The following GEMIN5 variants were observed in gnomAD, a reference collection of about 807,000 sequenced individuals.
The protein encoded by GEMIN5 is gem nuclear organelle associated protein 5.
Under a neutral mutation model 176.9 loss-of-function variants are expected in GEMIN5, and 124 were observed. The ratio of observed to expected loss-of-function variants is 0.70; its 90% CI spans 0.61 to 0.81. The LOEUF (loss-of-function observed/expected upper bound fraction) is 0.81, where lower values mean the gene tolerates loss of function less well. Ranked by LOEUF, GEMIN5 falls within the 40% of genes least tolerant of loss-of-function variation. The pLI, the probability that GEMIN5 is intolerant of heterozygous loss-of-function variation, is 0.00. For missense variants in GEMIN5, 1,843 were observed against 1,814.6 expected (o/e 1.02, Z -0.28); for synonymous variants, 673 against 665.2 (o/e 1.01, Z -0.18).
At chr5:154,932,608 G>A (rs960469074) in intron 3 of GEMIN5, among the ~76,000 whole-genome samples, 2 of 152,156 alleles carry the variant, frequency 1.3e-5, no homozygotes, top group South Asian at 4.1e-4. Context: ...TGTTGCCCAG[G>A]CTGGAGTGCA....
intron 15 of GEMIN5, among the ~76,000 whole-genome samples, chr5:154,908,699 T>C (rs1469206410): frequency 6.6e-6 from 1 of 152,240 alleles, no homozygotes; most frequent in Non-Finnish European, 1.5e-5. Context: ...ATTTAGGGTA[T>C]GCATCTTTAG....
chr5:154,935,763 G>T, intron 3 of GEMIN5, 78 bp downstream of exon 3: 1 of 994,528 alleles, frequency 1.0e-6, no homozygotes. Context: ...AGGAATAAAA[G>T]GACAGAGAAG....
chr5:154,905,661 A>T (rs1033190163), intron 16 of GEMIN5, among the ~76,000 whole-genome samples, 185 bp from the exon 17 acceptor site: 4 of 152,000 alleles, frequency 2.6e-5, no homozygotes, highest in African/African-American at 9.7e-5. Context: ...CCACCTCCCA[A>T]ACTAGCTGTT....
rs10037626 is a variant in GEMIN5 at position 154,908,888 on chromosome 5, G to C, written c.2168-1070C>G. 6.8e-3 allele frequency among the ~76,000 whole-genome samples: 1,038 copies of C among 152,266 alleles called. 14 individuals carry two copies. Among genetic ancestry groups the C allele is most frequent in the African/African-American group, 0.023 (964 of 41,554 alleles). ...TAAGTATTTGCATCTACTAGTTTTT[G>C]TATTCACTGATGTTTCTTGATTAAA... is the stretch of plus-strand genomic sequence containing the variant. On this transcript the variant is annotated intron_variant, in intron 15 of 27. Transcript: ENST00000285873.
chr5:154,926,271 T>C (rs1301842443), intron 7 of GEMIN5, among the ~76,000 whole-genome samples, 197 bp from the exon 8 acceptor site: 1 of 152,142 alleles, frequency 6.6e-6, no homozygotes, highest in African/African-American at 2.4e-5. Flanking sequence ...TAAAATATAT[T>C]TATTCCCAAA....
At chr5:154,895,964 G>A (rs987420664) in intron 24 of GEMIN5, 128 bp downstream of exon 24, 12 of 990,848 alleles carry the variant, frequency 1.2e-5, no homozygotes, top group African/African-American at 1.6e-5. Flanking sequence ...TCCAGGTGGC[G>A]TGGCCATGCC....
intron 16 of GEMIN5, 53 bp from the exon 17 acceptor site, chr5:154,905,529 A>C: frequency 1.2e-6 from 1 of 815,208 alleles, no homozygotes; most frequent in Non-Finnish European, 2.0e-6. Flanking sequence ...AATAATACAG[A>C]ATTTCAGTTC....
chr5:154,926,143 G>A, intron 7 of GEMIN5, 69 bp from the exon 8 acceptor site: 1 of 953,770 alleles, frequency 1.0e-6, no homozygotes, highest in Non-Finnish European at 1.7e-6. Context: ...AACCTGATAT[G>A]TCAAATGGGA....
intron 3 of GEMIN5, among the ~76,000 whole-genome samples, 178 bp from the exon 4 acceptor site, chr5:154,932,428 C>A (rs535553933): frequency 6.6e-6 from 1 of 152,116 alleles, no homozygotes; most frequent in Non-Finnish European, 1.5e-5. Flanking sequence ...AAAGTGCTCA[C>A]CTTATGCCTC....
At chr5:154,937,357 T>G (rs1764291504) in intron 1 of GEMIN5, among the ~76,000 whole-genome samples, 172 bp from the exon 2 acceptor site, 1 of 152,230 alleles carries the variant, frequency 6.6e-6, no homozygotes. Context: ...ATATTGGCTG[T>G]GCCACGTGAC....
intron 16 of GEMIN5, among the ~76,000 whole-genome samples, chr5:154,906,219 C>G (rs1174560343): frequency 6.6e-6 from 1 of 152,026 alleles, no homozygotes; most frequent in Non-Finnish European, 1.5e-5. Flanking sequence ...TAGTCTCAAG[C>G]TCCTGGGTTG....
At chr5:154,934,573 A>C (rs1055167628) in intron 3 of GEMIN5, among the ~76,000 whole-genome samples, 1 of 151,992 alleles carries the variant, frequency 6.6e-6, no homozygotes, top group Non-Finnish European at 1.5e-5. Flanking sequence ...CGGCCTCCCA[A>C]AGTGTTGGGA....
chr5:154,935,943 C>T lies in GEMIN5; in HGVS notation c.407G>A (p.Cys136Tyr), dbSNP rs772867342. 5.0e-6 allele frequency: 8 copies of T among 1,611,366 alleles called. No homozygotes were observed. The highest frequency in any genetic ancestry group is 6.8e-6 in the Non-Finnish European group (8 of 1,177,722). Residue 136 changes from cysteine (C) to tyrosine (Y), a missense_variant, in exon 3 of 28, where the codon TGT (cysteine) becomes TAT (tyrosine). Cys to Tyr is a radical substitution (Grantham distance 194). Coordinates refer to ENST00000285873, the MANE Select transcript of GEMIN5 (RefSeq NM_015465.5). ...GCTGTCATTTCTGTTAAACCAGTAA[C>T]AGAAAACTACTCCTTTTTCATCCCC... is the stretch of plus-strand genomic sequence containing the variant. ...VSGDEKGVVF[C>Y]YWFNRNDSQH...
chr5:154,904,679 A>G (rs1411736252), intron 17 of GEMIN5, 50 bp from the exon 18 acceptor site: 2 of 1,417,198 alleles, frequency 1.4e-6, no homozygotes, highest in African/African-American at 2.8e-5. Context: ...GATCAGAAAC[A>G]TAAAACGGAA....
chr5:154,912,800 A>C, intron 14 of GEMIN5, 99 bp downstream of exon 14: 3 of 1,003,046 alleles, frequency 3.0e-6, no homozygotes, highest in Non-Finnish European at 4.3e-6. Flanking sequence ...AGATGATGAT[A>C]ATGGGGGAGG....
intron 2 of GEMIN5, 64 bp downstream of exon 2, chr5:154,936,961 G>C: frequency 7.7e-7 from 1 of 1,292,912 alleles, no homozygotes; most frequent in South Asian, 1.4e-5. Context: ...AAACTAGCTT[G>C]CAACAGAAGA....
At chr5:154,907,484 G>C in intron 16 of GEMIN5, 107 bp downstream of exon 16, 2 of 667,754 alleles carry the variant, frequency 3.0e-6, no homozygotes, top group Non-Finnish European at 5.1e-6. Flanking sequence ...CTGTTTCCAA[G>C]AGTTGGAAAA....
At position 154,891,361 on chromosome 5, in the gene GEMIN5, A is replaced by C; in HGVS notation, c.4142T>G (p.Leu1381Trp). The stretch of plus-strand genomic sequence containing the variant: ...TTGGTGTTGTCGGATCATTTCTGCC[A>C]AGGTCTCTTGGACTTCAGCAACAGT... The part of the protein sequence containing the change: ...QRTVAEVQET[L>W]AEMIRQHQKS... The change falls in exon 26 of 28, where the codon TTG (leucine) becomes TGG (tryptophan). Residue 1381 changes from leucine (L) to tryptophan (W), a missense_variant. Transcript: ENST00000285873. 6.2e-7 allele frequency: 1 copy of C among 1,614,070 alleles called. No individual in the cohort carries two copies. Among genetic ancestry groups the C allele is most frequent in the Non-Finnish European group, 8.5e-7 (1 of 1,180,014 alleles).
chr5:154,906,033 T>C (rs1270053793), intron 16 of GEMIN5, among the ~76,000 whole-genome samples: 1 of 151,924 alleles, frequency 6.6e-6, no homozygotes, highest in Non-Finnish European at 1.5e-5. Flanking sequence ...GATATAACTG[T>C]TGCCCAGGCT....
Sources: gnomAD v4.1 joint callset for allele counts (sites outside exome capture counted in the v4.1 genomes callset) on GRCh38, gnomAD v4.1.1 for gene constraint, MANE v1.5 for transcripts, NCBI Gene and HGNC (gene_info 2026-07-23, HGNC 2026-07-21) for gene names.